UNC13C: variants seen among roughly 807,000 people sequenced by gnomAD.
UNC13C encodes unc-13 homolog C.
A neutral mutation model predicts 245.4 loss-of-function variants in UNC13C; 174 were observed. That is an observed-to-expected ratio of 0.71 (90% CI 0.63 to 0.80). The LOEUF (loss-of-function observed/expected upper bound fraction) is 0.80. Ranked by LOEUF, UNC13C falls within the 30% of genes least tolerant of loss-of-function variation. The probability of loss-of-function intolerance (pLI) is 0.00; values close to 1 mark genes in which losing one functional copy is unlikely to be tolerated. For missense variants in UNC13C, 2,829 were observed against 2,602.9 expected (o/e 1.09, Z -1.89); for synonymous variants, 992 against 895.1 (o/e 1.11, Z -1.93).
At chr15:54,243,497 A>G (rs551324096) in intron 7 of UNC13C, among the ~76,000 whole-genome samples, 1 of 152,224 alleles carries the variant, frequency 6.6e-6, no homozygotes, top group African/African-American at 2.4e-5. Flanking sequence ...TTGGGTATAT[A>G]CCCAGTAATG....
intron 2 of UNC13C, among the ~76,000 whole-genome samples, chr15:54,037,051 A>G (rs1368436718): frequency 2.6e-5 from 4 of 152,210 alleles, no homozygotes; most frequent in African/African-American, 7.2e-5. Context: ...GGGCTACTGA[A>G]AGACCTAGCA....
At chr15:54,090,293 T>C (rs1297317479) in intron 2 of UNC13C, among the ~76,000 whole-genome samples, 1 of 109,398 alleles carries the variant, frequency 9.1e-6, no homozygotes, top group African/African-American at 2.8e-5. Flanking sequence ...GTTGTTACTA[T>C]AGAAAACAAA....
At chr15:54,458,305 A>G (rs1176918931) in intron 19 of UNC13C, among the ~76,000 whole-genome samples, 1 of 152,096 alleles carries the variant, frequency 6.6e-6, no homozygotes, top group African/African-American at 2.4e-5. Context: ...GTGGCCTATC[A>G]TATGGTCCGT....
chr15:54,279,906 A>G (rs2036930684), intron 10 of UNC13C, among the ~76,000 whole-genome samples: 1 of 152,154 alleles, frequency 6.6e-6, no homozygotes, highest in Non-Finnish European at 1.5e-5. Context: ...AGTCAATATA[A>G]TATAAAAAGA....
At chr15:53,960,050 C>A in the UNC13C span, among the ~76,000 whole-genome samples, 19 of 152,074 alleles carry the variant, frequency 1.2e-4, no homozygotes, top group Non-Finnish European at 2.2e-4. Flanking sequence ...GTGAGATCAC[C>A]CTCTCTCTTA....
chr15:54,249,905 CA>C (rs1368885174), intron 7 of UNC13C, among the ~76,000 whole-genome samples: 4 of 152,072 alleles, frequency 2.6e-5, no homozygotes, highest in Non-Finnish European at 4.4e-5. Flanking sequence ...GGGTTTACAG[CA>C]TAGCAGGGAC....
chr15:54,046,689 ACT>A (rs1897052113), intron 2 of UNC13C, among the ~76,000 whole-genome samples: 1 of 151,686 alleles, frequency 6.6e-6, no homozygotes, highest in African/African-American at 2.4e-5. Flanking sequence ...ATATAACAAA[ACT>A]CTTTTAACCA....
the UNC13C span, among the ~76,000 whole-genome samples, chr15:53,888,171 CA>C: frequency 6.6e-6 from 1 of 152,212 alleles, no homozygotes; most frequent in African/African-American, 2.4e-5. Context: ...TTCCCACCAA[CA>C]GTGTAAAAGT....
intron 31 of UNC13C, 110 bp from the exon 32 acceptor site, chr15:54,623,685 G>A (rs1227888450): frequency 2.3e-5 from 21 of 933,190 alleles, no homozygotes; most frequent in Non-Finnish European, 3.4e-5. Context: ...TGTCTTGTCA[G>A]TGGAGTTAGG....
chr15:54,472,005 C>G (rs888740203), intron 19 of UNC13C, among the ~76,000 whole-genome samples: 7 of 151,738 alleles, frequency 4.6e-5, no homozygotes, highest in African/African-American at 1.7e-4. Flanking sequence ...TTTTGGTATT[C>G]GTTTGATGAT....
the UNC13C span, among the ~76,000 whole-genome samples, chr15:53,893,653 G>A: frequency 6.6e-6 from 1 of 152,298 alleles, no homozygotes; most frequent in East Asian, 1.9e-4. Context: ...ACACTCTGAG[G>A]GTAAAACTGC....
At chr15:54,480,504 C>T (rs1329706540) in intron 19 of UNC13C, among the ~76,000 whole-genome samples, 1 of 149,786 alleles carries the variant, frequency 6.7e-6, no homozygotes, top group Admixed American at 6.7e-5. Context: ...TTGACCTTCT[C>T]TATTGTTGAA....
the UNC13C span, among the ~76,000 whole-genome samples, chr15:53,917,544 A>G: frequency 6.6e-6 from 1 of 152,152 alleles, no homozygotes; most frequent in African/African-American, 2.4e-5. Flanking sequence ...CAGGGAAATG[A>G]GCACTTCAAA....
At chr15:54,143,299 C>G (rs1474992834) in intron 3 of UNC13C, among the ~76,000 whole-genome samples, 1 of 152,192 alleles carries the variant, frequency 6.6e-6, no homozygotes, top group East Asian at 1.9e-4. Context: ...AGCATCTTTT[C>G]TTAAGTCTGG....
intron 2 of UNC13C, among the ~76,000 whole-genome samples, chr15:54,112,002 G>A (rs887671087): frequency 6.6e-6 from 1 of 152,162 alleles, no homozygotes; most frequent in African/African-American, 2.4e-5. Context: ...ATTACCACTT[G>A]GCCTTCCACC....
At chr15:54,107,218 T>G (rs1416975804) in intron 2 of UNC13C, among the ~76,000 whole-genome samples, 1 of 152,160 alleles carries the variant, frequency 6.6e-6, no homozygotes, top group Non-Finnish European at 1.5e-5. Flanking sequence ...TTGTCTAAAT[T>G]TTTAATTTTT....
At chr15:54,619,200 A>G (rs965331709) in intron 30 of UNC13C, among the ~76,000 whole-genome samples, 1 of 152,094 alleles carries the variant, frequency 6.6e-6, no homozygotes, top group Admixed American at 6.6e-5. Context: ...TTCTCCATGT[A>G]AATTTTGCTA....
intron 2 of UNC13C, among the ~76,000 whole-genome samples, chr15:54,042,865 GAAAAAGA>G (rs928281527): frequency 5.5e-5 from 3 of 54,288 alleles, no homozygotes; most frequent in Non-Finnish European, 1.7e-4. Context: ...AAAAGAAAAA[GAAAAAGA>G]AAAAGAAACC....
At chr15:54,273,156 G>A (rs536882644) in intron 10 of UNC13C, among the ~76,000 whole-genome samples, 4 of 152,266 alleles carry the variant, frequency 2.6e-5, no homozygotes, top group African/African-American at 9.6e-5. Context: ...CATGGAAAAC[G>A]GATTAGGTGA....
Sources: gnomAD v4.1 joint callset for allele counts (sites outside exome capture counted in the v4.1 genomes callset) on GRCh38, gnomAD v4.1.1 for gene constraint, MANE v1.5 for transcripts, NCBI Gene and HGNC (gene_info 2026-07-23, HGNC 2026-07-21) for gene names.